Variants in LRRIQ1 observed in about 807,000 individuals in gnomAD.
LRRIQ1 encodes leucine-rich repeat- and IQ domain-containing protein 1.
A neutral mutation model predicts 211.9 loss-of-function variants in LRRIQ1; 210 were observed. That is an observed-to-expected ratio of 0.99 (90% CI 0.89 to 1.11). The LOEUF (loss-of-function observed/expected upper bound fraction) is 1.11, where lower values mean the gene tolerates loss of function less well. Ranked by LOEUF, LRRIQ1 falls within the 50% of genes most tolerant of loss-of-function variation. The pLI is 0.00. For missense variants in LRRIQ1, 2,136 were observed against 1,939.5 expected (o/e 1.10, Z -1.90); for synonymous variants, 699 against 650.1 (o/e 1.08, Z -1.14).
chr12:85,142,960 T>G (rs971299762), intron 19 of LRRIQ1, among the ~76,000 whole-genome samples: 1 of 151,622 alleles, frequency 6.6e-6, no homozygotes, highest in African/African-American at 2.4e-5. Context: ...TTTATTGCCT[T>G]TTGGTATACC....
At position 85,056,657 on chromosome 12, in the gene LRRIQ1, A is replaced by G. The variant is rs899062257; in HGVS notation, c.1864A>G (p.Lys622Glu). The G allele has an allele frequency of 6.3e-7, 1 of 1,599,810 alleles. No individual in the cohort carries two copies. The highest frequency in any genetic ancestry group is 8.5e-7 in the Non-Finnish European group (1 of 1,174,540). The change falls in exon 8 of 27, where the codon AAA becomes GAA. Residue 622 changes from lysine (K) to glutamate (E), a missense_variant. Coordinates refer to ENST00000393217, the MANE Select transcript of LRRIQ1 (RefSeq NM_001079910.2). ...RSLSLTSENS[K>E]DVRENVILQE... ...ACTCTCACTAACATCAGAAAATTCC[A>G]AAGATGTAAGAGAAAACGTAATATT...
At chr12:85,117,319 A>G (rs1299337045) in intron 15 of LRRIQ1, among the ~76,000 whole-genome samples, 1 of 152,196 alleles carries the variant, frequency 6.6e-6, no homozygotes, top group Non-Finnish European at 1.5e-5. Flanking sequence ...CATTTGCACT[A>G]CCACTGTGGA....
intron 24 of LRRIQ1, among the ~76,000 whole-genome samples, chr12:85,227,185 C>A (rs1322103742): frequency 2.0e-5 from 3 of 152,150 alleles, no homozygotes; most frequent in African/African-American, 7.2e-5. Context: ...TATTTCTTCA[C>A]ATCCTCTCCA....
intron 24 of LRRIQ1, among the ~76,000 whole-genome samples, chr12:85,173,969 T>C (rs1460092567): frequency 1.3e-5 from 2 of 152,142 alleles, no homozygotes; most frequent in Non-Finnish European, 2.9e-5. Context: ...AGGACTCATG[T>C]AAGTCACCTT....
At chr12:85,083,303 G>A (rs939608901) in intron 11 of LRRIQ1, among the ~76,000 whole-genome samples, 2 of 152,060 alleles carry the variant, frequency 1.3e-5, no homozygotes, top group Non-Finnish European at 2.9e-5. Flanking sequence ...ATTTTTGAAT[G>A]AGAATTCATT....
At chr12:85,190,093 A>G (rs1163144764) in intron 24 of LRRIQ1, among the ~76,000 whole-genome samples, 1 of 142,702 alleles carries the variant, frequency 7.0e-6, no homozygotes, top group Non-Finnish European at 1.5e-5. Flanking sequence ...TAGTTAGTTT[A>G]TATCTGTAAC....
At chr12:85,238,535 G>A (rs536097308) in intron 26 of LRRIQ1, among the ~76,000 whole-genome samples, 1 of 152,002 alleles carries the variant, frequency 6.6e-6, no homozygotes, top group South Asian at 2.1e-4. Flanking sequence ...GTTCACTATC[G>A]ATCACAAATA....
rs1319959372 is a variant in LRRIQ1, at chr12:85,245,003, G to A, written c.*62G>A. 1 of 1,577,248 alleles carries A rather than the reference G, an allele frequency of 6.3e-7. No homozygotes were observed. Among genetic ancestry groups the A allele is most frequent in the Non-Finnish European group, 8.6e-7 (1 of 1,160,044 alleles). The stretch of plus-strand genomic sequence containing the variant: ...AGCATTCTTTTTCAGATAGGGGGTA[G>A]GATGCCAGCAACCTGAACTGCCCAA... On this transcript the variant is annotated 3_prime_UTR_variant, in exon 27 of 27. Coordinates refer to ENST00000393217, the MANE Select transcript of LRRIQ1 (RefSeq NM_001079910.2).
chr12:85,069,941 T>G (rs1343613452), intron 10 of LRRIQ1, among the ~76,000 whole-genome samples: 4 of 152,058 alleles, frequency 2.6e-5, no homozygotes, highest in Non-Finnish European at 4.4e-5. Context: ...CTCTTTAGTT[T>G]AATTAGATCC....
At chr12:85,079,274 G>C (rs1332785637) in intron 11 of LRRIQ1, among the ~76,000 whole-genome samples, 2 of 135,408 alleles carry the variant, frequency 1.5e-5, no homozygotes, top group Non-Finnish European at 3.1e-5. Context: ...TTTTGAGATG[G>C]AGTCTCACTC....
At chr12:85,069,516 G>A (rs192798199) in intron 10 of LRRIQ1, among the ~76,000 whole-genome samples, 3,907 of 151,942 alleles carry the variant, frequency 0.026, 174 homozygotes, top group East Asian at 0.2. Context: ...GAATCGCCAC[G>A]CTGACTTCCA....
At chr12:85,116,292 A>G (rs1005823471) in intron 15 of LRRIQ1, among the ~76,000 whole-genome samples, 3 of 149,902 alleles carry the variant, frequency 2.0e-5, no homozygotes, top group Non-Finnish European at 4.4e-5. Flanking sequence ...ACAGGCGCCC[A>G]CCACCACGCC....
chr12:85,205,698 A>G (rs1373014298), intron 24 of LRRIQ1, among the ~76,000 whole-genome samples: 1 of 152,170 alleles, frequency 6.6e-6, no homozygotes, highest in Non-Finnish European at 1.5e-5. Context: ...ATGTTTTCCA[A>G]GTAGCTTGCT....
At chr12:85,128,607 A>G (rs1888546585) in intron 18 of LRRIQ1, among the ~76,000 whole-genome samples, 1 of 152,138 alleles carries the variant, frequency 6.6e-6, no homozygotes, top group Non-Finnish European at 1.5e-5. Context: ...TCAAAAAACA[A>G]CAACAACAAC....
chr12:85,212,387 G>T (rs893089255), intron 24 of LRRIQ1, among the ~76,000 whole-genome samples: 3 of 152,092 alleles, frequency 2.0e-5, no homozygotes, highest in African/African-American at 7.2e-5. Flanking sequence ...AAGGCACTAT[G>T]GGTTTATGAT....
rs373615470 is a variant in LRRIQ1, at chr12:85,066,698, C to A, written c.2545-50C>A. On this transcript the variant is annotated intron_variant, in intron 9 of 26. Coordinates refer to ENST00000393217, the MANE Select transcript of LRRIQ1 (RefSeq NM_001079910.2). ...CTCTTTTTGAAAGCTTTAAATAGTT[C>A]ATTAATAAGCCATTGAAATAAAACT... is the stretch of plus-strand genomic sequence containing the variant. 10 of 1,431,278 alleles carry A rather than the reference C, an allele frequency of 7.0e-6. No individual in the cohort carries two copies. The African/African-American group carries it at 1.2e-4, about 17-fold the overall frequency. The allele number at this position is 1,431,278 out of a possible 1,614,324, so 88.7% of individuals were successfully genotyped here. A position where few individuals can be genotyped will look rare whatever the true frequency, so the allele number is the denominator to read the frequency against.
Position 85,046,090 on chromosome 12 carries a change from C to T in LRRIQ1, c.407C>T (p.Pro136Leu). ...KTDCATPDFV[P>L]EPSPHDLPMD... ...GATTGTGCCACTCCTGATTTTGTTC[C>T]TGAGCCTAGTCCTCATGACTTGCCT... Residue 136 changes from proline to leucine, a missense_variant, in exon 5 of 27, where the codon CCT becomes CTT. Pro to Leu is a moderately conservative substitution (Grantham distance 98). Coordinates refer to ENST00000393217, the MANE Select transcript of LRRIQ1 (RefSeq NM_001079910.2). 1 of 1,611,160 alleles carries T rather than the reference C, an allele frequency of 6.2e-7. No homozygotes were observed. The highest frequency in any genetic ancestry group is 8.5e-7 in the Non-Finnish European group (1 of 1,178,172).
intron 24 of LRRIQ1, among the ~76,000 whole-genome samples, chr12:85,201,094 G>T (rs1425564231): frequency 6.6e-6 from 1 of 151,994 alleles, no homozygotes; most frequent in Admixed American, 6.6e-5. Flanking sequence ...GCCTCCCAAA[G>T]TGCTGAGTTT....
intron 24 of LRRIQ1, among the ~76,000 whole-genome samples, chr12:85,212,801 A>AAG (rs751993805): frequency 6.7e-6 from 1 of 149,194 alleles, no homozygotes; most frequent in African/African-American, 2.4e-5. Context: ...GAGAGAGAGA[A>AAG]AGAGAGAGAG....
Sources: allele counts gnomAD v4.1 joint callset (sites outside exome capture counted in the v4.1 genomes callset), GRCh38; gene constraint gnomAD v4.1.1; transcripts MANE v1.5; gene names NCBI Gene and HGNC (gene_info 2026-07-23, HGNC 2026-07-21).